MET: variants seen among roughly 807,000 people sequenced by gnomAD.
The protein encoded by MET is MET proto-oncogene, receptor tyrosine kinase.
Under a neutral mutation model 133.1 loss-of-function variants are expected in MET, and 48 were observed. The ratio of observed to expected loss-of-function variants is 0.36; its 90% CI spans 0.29 to 0.46. MET has a LOEUF of 0.46. Ranked by LOEUF, MET falls within the 20% of genes least tolerant of loss-of-function variation. The probability of loss-of-function intolerance (pLI) is 1.00; values close to 1 mark genes in which losing one functional copy is unlikely to be tolerated. For synonymous variants in MET, 628 were observed against 616.5 expected, an observed-to-expected ratio of 1.02 and a Z score of -0.28; for missense variants, 1,442 against 1,695.9, an observed-to-expected ratio of 0.85 and a Z score of 2.63.
chr7:116,701,973 G>T (rs545444524), intron 2 of MET, among the ~76,000 whole-genome samples: 1 of 152,124 alleles, frequency 6.6e-6, no homozygotes, highest in South Asian at 2.1e-4. Flanking sequence ...ATTCATAAAG[G>T]TATATTGATA....
intron 1 of MET, among the ~76,000 whole-genome samples, chr7:116,688,800 G>T (rs1348202567): frequency 1.3e-5 from 2 of 152,046 alleles, no homozygotes; most frequent in Non-Finnish European, 2.9e-5. Flanking sequence ...TGCACAATTG[G>T]CTTTTTCTTA....
intron 3 of MET, among the ~76,000 whole-genome samples, chr7:116,737,549 C>T (rs926666909): frequency 1.3e-5 from 2 of 152,140 alleles, no homozygotes; most frequent in African/African-American, 4.8e-5. Context: ...GGAAATCTGA[C>T]TCATGTACTT....
At chr7:116,775,684 G>A (rs1794972388) in intron 15 of MET, among the ~76,000 whole-genome samples, 1 of 152,186 alleles carries the variant, frequency 6.6e-6, no homozygotes, top group Non-Finnish European at 1.5e-5. Flanking sequence ...TCCAGCCTGG[G>A]CAGCAGAGCG....
rs575292866 is a variant in MET at position 116,724,367 on chromosome 7, C to T, written c.1201-7301C>T. On this transcript the variant is annotated intron_variant, in intron 2 of 20. Transcript: ENST00000397752. ...GCACCCACTGACCTGCGCCCACTGT[C>T]TGGCACTCCCTAGTGAGATGAACCC... 1.1e-3 allele frequency: 307 copies of T among 289,080 alleles called. 2 individuals are homozygous for T. The highest frequency in any genetic ancestry group is 6.3e-3 in the African/African-American group (288 of 46,008). The allele number at this position is 289,080 out of a possible 1,614,324, so 17.9% of individuals were successfully genotyped here.
chr7:116,794,557 G>T (rs1013484268), intron 19 of MET, among the ~76,000 whole-genome samples: 2 of 152,138 alleles, frequency 1.3e-5, no homozygotes, highest in Admixed American at 1.3e-4. Flanking sequence ...TCTTTCAGTC[G>T]CAGCGTTCAA....
chr7:116,741,076 TTTTTTTTGG>T lies in MET; in HGVS notation c.1701+55_1701+63del, dbSNP rs759259560. The T allele has an allele frequency of 8.1e-6, 13 of 1,603,218 alleles. No homozygotes were observed. In the African/African-American group the frequency reaches 1.6e-4, roughly 20 times the overall value. ...CATGTTTTTGTTTGGTGTTTTTTTTTTTTTTTTGGTTTGGTTTGGTTTGTTTTTTGTTTT... is the reference window on the plus strand; with the variant it reads ...CATGTTTTTGTTTGGTGTTTTTTTTTTTTGGTTTGGTTTGTTTTTTGTTTT... On this transcript the variant is annotated intron_variant, in intron 5 of 20. Coordinates refer to ENST00000397752, the MANE Select transcript of MET (RefSeq NM_000245.4).
chr7:116,700,242 C>A lies in MET; in HGVS notation c.1158C>A (p.Leu386=), dbSNP rs1554379184. The A allele has an allele frequency of 1.2e-6, 2 of 1,602,386 alleles. No individual in the cohort carries two copies. Among genetic ancestry groups the A allele is most frequent in the Non-Finnish European group, 1.7e-6 (2 of 1,177,228 alleles). Residue 386 remains leucine (L), a synonymous_variant, in exon 2 of 21, where the codon CTC becomes CTA. Coordinates refer to ENST00000397752, the MANE Select transcript of MET (RefSeq NM_000245.4). ...KIVNKNNVRC[L]QHFYGPNHEH... is the part of the protein sequence containing the mutation. ...TCAACAAAAACAATGTGAGATGTCT[C>A]CAGCATTTTTACGGACCCAATCATG...
At chr7:116,758,759 G>A (rs1794285007) in intron 9 of MET, 139 bp downstream of exon 9, 1 of 813,994 alleles carries the variant, frequency 1.2e-6, no homozygotes, top group Non-Finnish European at 2.0e-6. Flanking sequence ...TTCCAATTCA[G>A]GAGAGAAAAC....
intron 1 of MET, among the ~76,000 whole-genome samples, chr7:116,694,251 G>A (rs1000973009): frequency 1.3e-5 from 2 of 152,156 alleles, no homozygotes; most frequent in African/African-American, 2.4e-5. Context: ...GAAATGGGGC[G>A]TTTTTGGTGA....
intron 5 of MET, among the ~76,000 whole-genome samples, chr7:116,751,296 G>A (rs373378325): frequency 7.9e-5 from 12 of 152,042 alleles, no homozygotes; most frequent in South Asian, 4.2e-4. Context: ...GCTGGAAACC[G>A]TAATTCCCAG....
At chr7:116,782,925 T>C (rs182155621) in intron 18 of MET, among the ~76,000 whole-genome samples, 49 of 152,344 alleles carry the variant, frequency 3.2e-4, no homozygotes, top group African/African-American at 1.1e-3. Flanking sequence ...TAAAACTGAG[T>C]ATCGCTAATC....
chr7:116,753,662 A>G (rs1403316374), intron 5 of MET, among the ~76,000 whole-genome samples: 2 of 152,182 alleles, frequency 1.3e-5, no homozygotes, highest in African/African-American at 2.4e-5. Flanking sequence ...ATTAGGAAAA[A>G]TTGTTACAAT....
chr7:116,701,677 A>G lies in MET; in HGVS notation c.1200+1393A>G, dbSNP rs115088619. On this transcript the variant is annotated intron_variant, in intron 2 of 20. Transcript: ENST00000397752. ...TTAATATATGTTGCAAAGAAGCAAT[A>G]GAATTCCTTATGAAGCTCCCCCTTT... is the stretch of plus-strand genomic sequence containing the variant. Among the ~76,000 whole-genome samples the G allele has an allele frequency of 2.0e-3, 311 of 152,296 alleles. 1 individual carries two copies. Among genetic ancestry groups the G allele is most frequent in the African/African-American group, 7.3e-3 (305 of 41,566 alleles).
chr7:116,725,998 C>T (rs1792736036), intron 2 of MET, among the ~76,000 whole-genome samples: 2 of 148,786 alleles, frequency 1.3e-5, no homozygotes, highest in Middle Eastern at 3.6e-3. Flanking sequence ...GAACACATCA[C>T]TGCACTCCAG....
chr7:116,706,135 A>G (rs182517414), intron 2 of MET, among the ~76,000 whole-genome samples: 16 of 152,276 alleles, frequency 1.1e-4, no homozygotes, highest in African/African-American at 3.8e-4. Flanking sequence ...AACTGTGGGT[A>G]GGTTTTACCC....
chr7:116,777,488 A>G lies in MET; in HGVS notation c.3340+19A>G. The G allele has an allele frequency of 6.2e-7, 1 of 1,609,922 alleles. No homozygotes were observed. The highest frequency in any genetic ancestry group is 8.5e-7 in the Non-Finnish European group (1 of 1,176,270). ...TTGAACAGTAAGTGGCATTTTATTT[A>G]ACCATGGAGTATACTTTTGTGGTTT... On this transcript the variant is annotated intron_variant, in intron 16 of 20. Coordinates refer to ENST00000397752, the MANE Select transcript of MET (RefSeq NM_000245.4).
At position 116,797,664 on chromosome 7, in the gene MET, T is replaced by G. The variant is rs1795717875; in HGVS notation, c.*1540T>G. Reference sequence around the variant, plus strand: ...TTATTTTTAATGATATGAGAAAAATTTTGTTAGGCCACAAAAACACTGCAC... The same window carrying G: ...TTATTTTTAATGATATGAGAAAAATGTTGTTAGGCCACAAAAACACTGCAC... On this transcript the variant is annotated 3_prime_UTR_variant, in exon 21 of 21. Coordinates refer to ENST00000397752, the MANE Select transcript of MET (RefSeq NM_000245.4). 8.8e-6 allele frequency: 2 copies of G among 226,382 alleles called. No homozygotes were observed. The highest frequency in any genetic ancestry group is 3.7e-4 in the South Asian group (2 of 5,466). The allele number at this position is 226,382 out of a possible 1,614,324, so 14.0% of individuals were successfully genotyped here. A position where few individuals can be genotyped will look rare whatever the true frequency, so the allele number is the denominator to read the frequency against.
At chr7:116,693,113 C>T (rs560531035) in intron 1 of MET, among the ~76,000 whole-genome samples, 33 of 152,242 alleles carry the variant, frequency 2.2e-4, no homozygotes, top group African/African-American at 6.5e-4. Context: ...TGGCAAGTTA[C>T]ATAGATGAGG....
chr7:116,698,329 G>T (rs1182392002), intron 1 of MET, among the ~76,000 whole-genome samples: 1 of 152,144 alleles, frequency 6.6e-6, no homozygotes, highest in African/African-American at 2.4e-5. Flanking sequence ...TGAACAATAT[G>T]TTGTTTTTCC....
Sources: gnomAD v4.1 joint callset for allele counts (sites outside exome capture counted in the v4.1 genomes callset) on GRCh38, gnomAD v4.1.1 for gene constraint, MANE v1.5 for transcripts, NCBI Gene and HGNC (gene_info 2026-07-23, HGNC 2026-07-21) for gene names.